Variants in TRIM5 observed in about 807,000 individuals in gnomAD.
The protein encoded by TRIM5 is tripartite motif containing 5, also known as tripartite motif-containing protein 5.
Under a neutral mutation model 35.6 loss-of-function variants are expected in TRIM5, and 31 were observed. The ratio of observed to expected loss-of-function variants is 0.87; its 90% CI spans 0.65 to 1.18. The LOEUF (loss-of-function observed/expected upper bound fraction) is 1.18. Among genes scored for constraint, TRIM5 ranks in the 50% most tolerant of loss-of-function variants. The pLI is 0.00. For missense variants in TRIM5, 609 were observed against 591.6 expected (o/e 1.03, Z -0.31); for synonymous variants, 243 against 215.6 (o/e 1.13, Z -1.11).
At chr11:5,615,937 T>C in the TRIM5 span, among the ~76,000 whole-genome samples, 6 of 149,236 alleles carry the variant, frequency 4.0e-5, no homozygotes, top group Admixed American at 1.3e-4. Flanking sequence ...CTTTTCATTT[T>C]TTTTTTTTTT....
At chr11:5,594,403 G>A in the TRIM5 span, among the ~76,000 whole-genome samples, 4 of 152,054 alleles carry the variant, frequency 2.6e-5, no homozygotes, top group Non-Finnish European at 1.5e-5. Flanking sequence ...AACCTTCCGG[G>A]CTCAAGTGAT....
chr11:5,599,886 A>ATAGAGCCTCTATTGCCTC, the TRIM5 span, among the ~76,000 whole-genome samples: 5 of 152,168 alleles, frequency 3.3e-5, no homozygotes, highest in Non-Finnish European at 7.4e-5. Flanking sequence ...TGGAAGATAA[A>ATAGAGCCTCTATTGCCTC]TAGAGCCTCT....
chr11:5,635,009 A>G, the TRIM5 span: 1 of 766,472 alleles, frequency 1.3e-6, no homozygotes, highest in Non-Finnish European at 2.0e-6. Context: ...CATGAATGAC[A>G]TTTTTATTAA....
intron 4 of TRIM5, among the ~76,000 whole-genome samples, chr11:5,672,779 C>T (rs1200542642): frequency 6.6e-6 from 1 of 151,628 alleles, no homozygotes; most frequent in Non-Finnish European, 1.5e-5. Flanking sequence ...AAAATGATAA[C>T]CAAAGATGAA....
At chr11:5,660,623 GCTTT>G (rs1431783522), downstream of TRIM5, among the ~76,000 whole-genome samples, 1 of 151,846 alleles carries the variant, frequency 6.6e-6, no homozygotes, top group Non-Finnish European at 1.5e-5. Flanking sequence ...TTGATTTTAC[GCTTT>G]CTTTCTCTAC....
the TRIM5 span, among the ~76,000 whole-genome samples, chr11:5,614,138 T>C: frequency 1.3e-5 from 2 of 152,032 alleles, no homozygotes; most frequent in Admixed American, 6.6e-5. Flanking sequence ...TGTGATAGAG[T>C]AGGCTCAACT....
At chr11:5,604,162 TTGTG>T in the TRIM5 span, among the ~76,000 whole-genome samples, 2,383 of 150,366 alleles carry the variant, frequency 0.016, 29 homozygotes, top group Non-Finnish European at 0.023. Context: ...GCCCAGCTAA[TTGTG>T]TGTGTGTGTG....
chr11:5,644,000 G>T, the TRIM5 span: 1 of 479,534 alleles, frequency 2.1e-6, no homozygotes, highest in Non-Finnish European at 3.6e-6. Context: ...CTGATATGAA[G>T]AGGCCCAAAG....
chr11:5,616,641 G>C, the TRIM5 span, among the ~76,000 whole-genome samples: 1,128 of 144,984 alleles, frequency 7.8e-3, 105 homozygotes, highest in African/African-American at 0.026. Flanking sequence ...GATAAATTTG[G>C]GGTTTTAGGG....
At chr11:5,665,519 G>T (rs1433248323) in intron 7 of TRIM5, 124 bp from the exon 8 acceptor site, 1 of 1,553,450 alleles carries the variant, frequency 6.4e-7, no homozygotes, top group Non-Finnish European at 8.6e-7. Context: ...ATAAGGAGGG[G>T]TAAGTTATGT....
chr11:5,683,398 T>C (rs372320551), intron 1 of TRIM5, among the ~76,000 whole-genome samples: 3 of 152,194 alleles, frequency 2.0e-5, no homozygotes, highest in Admixed American at 6.5e-5. Context: ...GCAGAACCTT[T>C]ATGTTTAGCT....
At chr11:5,643,125 A>ATATATATATTT in the TRIM5 span, 293 of 974,326 alleles carry the variant, frequency 3.0e-4, no homozygotes, top group South Asian at 4.5e-3. Flanking sequence ...ATATATATAT[A>ATATATATATTT]TTTTTTTTTT....
chr11:5,652,394 G>A, the TRIM5 span, among the ~76,000 whole-genome samples: 1 of 152,116 alleles, frequency 6.6e-6, no homozygotes, highest in African/African-American at 2.4e-5. Flanking sequence ...GGCAAGCGAG[G>A]TATCTCAGCC....
intron 4 of TRIM5, among the ~76,000 whole-genome samples, chr11:5,675,689 T>C (rs1344574735): frequency 1.3e-5 from 2 of 150,958 alleles, no homozygotes; most frequent in Non-Finnish European, 3.0e-5. Context: ...TTCTGTTGTG[T>C]TTTTTTTGTT....
chr11:5,592,293 T>A, the TRIM5 span, among the ~76,000 whole-genome samples: 2 of 152,192 alleles, frequency 1.3e-5, no homozygotes, highest in Non-Finnish European at 1.5e-5. Flanking sequence ...TACCTATCAC[T>A]CACTGACGAG....
In TRIM5 at chr11:5,667,704, TC is replaced by T. The variant is rs758128379; in HGVS notation, c.751del (p.Asp251MetfsTer4). 6.8e-6 allele frequency: 11 copies of T among 1,613,626 alleles called. No homozygotes were observed. The highest frequency in any genetic ancestry group is 8.5e-6 in the Non-Finnish European group (10 of 1,179,890). On this transcript the variant is annotated frameshift_variant, in exon 5 of 8. Coordinates refer to ENST00000380034, the MANE Select transcript of TRIM5 (RefSeq NM_033034.3). LOFTEE classifies it high-confidence loss of function. ...CCACACATACCTTTTTATGACGCCATCCACACCCTAGGAAGAAGAGAGAAAA... is the reference window on the plus strand; with the variant it reads ...CCACACATACCTTTTTATGACGCCATCACACCCTAGGAAGAAGAGAGAAAA... ...GSVMELLQGV[D>X]GVIKRTENVT...
chr11:5,680,313 T>A, intron 1 of TRIM5, 75 bp from the exon 2 acceptor site: 1 of 865,000 alleles, frequency 1.2e-6, no homozygotes, highest in Non-Finnish European at 1.6e-6. Flanking sequence ...TGTGCACAAT[T>A]AGAAAATGGG....
At chr11:5,605,550 A>C in the TRIM5 span, 1 of 1,613,922 alleles carries the variant, frequency 6.2e-7, no homozygotes, top group African/African-American at 1.3e-5. Flanking sequence ...TCAGGGGTCA[A>C]CAATGGAGCT....
the TRIM5 span, among the ~76,000 whole-genome samples, chr11:5,619,140 A>G: frequency 1.4e-4 from 21 of 152,348 alleles, no homozygotes; most frequent in African/African-American, 4.8e-4. Flanking sequence ...TTACCTAAAA[A>G]GAGCCTCTGC....
Sources: allele counts gnomAD v4.1 joint callset (sites outside exome capture counted in the v4.1 genomes callset), GRCh38; gene constraint gnomAD v4.1.1; transcripts MANE v1.5; gene names NCBI Gene and HGNC (gene_info 2026-07-23, HGNC 2026-07-21).